Variants in PROM1 observed in about 807,000 individuals in gnomAD.
The protein encoded by PROM1 is prominin 1.
Under a neutral mutation model 116.9 loss-of-function variants are expected in PROM1, and 105 were observed. The observed-to-expected ratio is 0.90, with a 90% CI of 0.77 to 1.06. The LOEUF (loss-of-function observed/expected upper bound fraction) is 1.06. PROM1 is among the 50% of genes least tolerant of loss of function. The probability of loss-of-function intolerance (pLI) is 0.00; values close to 1 mark genes in which losing one functional copy is unlikely to be tolerated. For synonymous variants in PROM1, 393 were observed against 387.0 expected, an observed-to-expected ratio of 1.02 and a Z score of -0.18; for missense variants, 1,122 against 1,045.2, an observed-to-expected ratio of 1.07 and a Z score of -1.01.
rs776521084 is a variant in PROM1 at position 16,000,502 on chromosome 4, T to A, written c.1572A>T (p.Leu524Phe). ...LICEPYTSKELFRVLDTPYLL... is the reference protein window; with the variant it reads ...LICEPYTSKEFFRVLDTPYLL... ...GGTAGAAAATCATATTTACCCGGAA[T>A]AATTCCTTGCTCGTGTAAGGTTCAC... The change falls in exon 14 of 28, where the codon TTA becomes TTT. Residue 524 changes from leucine (L) to phenylalanine (F), a missense_variant. Physicochemically the swap from Leu to Phe is conservative, Grantham distance 22 (BLOSUM62 0). Coordinates refer to ENST00000447510, the MANE Select transcript of PROM1 (RefSeq NM_006017.3). 1.9e-6 allele frequency: 3 copies of A among 1,589,914 alleles called. No individual in the cohort carries two copies. In the Admixed American group the frequency reaches 5.0e-5, roughly 27 times the overall value.
chr4:16,008,350 T>A (rs1431238238), intron 12 of PROM1, among the ~76,000 whole-genome samples: 2 of 152,176 alleles, frequency 1.3e-5, no homozygotes, highest in African/African-American at 4.8e-5. Context: ...ACCACTCGCA[T>A]TTTCTAATGG....
In PROM1 at chr4:16,039,203, T is replaced by G. The variant is rs372205879; in HGVS notation, c.221-202A>C. On this transcript the variant is annotated intron_variant, in intron 2 of 27. Coordinates refer to ENST00000447510, the MANE Select transcript of PROM1 (RefSeq NM_006017.3). ...AAGAATAGAAGACAAATACTTCTGA[T>G]TTACTATTTTGTCAGTGACAGAATT... Among the ~76,000 whole-genome samples the G allele has an allele frequency of 3.3e-5, 5 of 152,310 alleles. No individual in the cohort carries two copies. In the East Asian group the frequency reaches 5.8e-4, roughly 18 times the overall value.
At chr4:16,013,773 T>G (rs1300634297) in intron 10 of PROM1, among the ~76,000 whole-genome samples, 1 of 152,000 alleles carries the variant, frequency 6.6e-6, no homozygotes, top group Non-Finnish European at 1.5e-5. Context: ...TGCTAATAAA[T>G]ACCCAACCAT....
intron 8 of PROM1, among the ~76,000 whole-genome samples, chr4:16,022,348 G>T (rs1432141453): frequency 6.6e-6 from 1 of 152,190 alleles, no homozygotes; most frequent in Non-Finnish European, 1.5e-5. Flanking sequence ...AGAGGATGTT[G>T]TTCGTGATGT....
Position 16,004,799 on chromosome 4 carries a change from C to T in PROM1, c.1454+1739G>A, listed in dbSNP as rs529019869. ...TTTCTTCTCTGTCCACAGGTACTTG[C>T]AGCTAATCTTTCTTTCTTTCTTTCT... is the stretch of plus-strand genomic sequence containing the variant. On this transcript the variant is annotated intron_variant, in intron 13 of 27. Coordinates refer to ENST00000447510, the MANE Select transcript of PROM1 (RefSeq NM_006017.3). 4.0e-5 allele frequency among the ~76,000 whole-genome samples: 6 copies of T among 148,520 alleles called. No homozygotes were observed. The South Asian group carries it at 1.3e-3, about 32-fold the overall frequency.
chr4:15,992,378 A>G lies in PROM1; in HGVS notation c.1781T>C (p.Ile594Thr). The stretch of plus-strand genomic sequence containing the variant: ...CTTCAGACTTTCCAATTCACTGCTT[A>G]TGCTTCCAGTATGCTGCGAAAAAAG... Reference protein sequence around the residue: ...HLNINEHTGSISSELESLKVN... With the variant: ...HLNINEHTGSTSSELESLKVN... The change falls in exon 17 of 28, where the codon ATA (isoleucine) becomes ACA (threonine). Residue 594 changes from isoleucine (I) to threonine (T), a missense_variant. By Grantham distance (89) the Ile-to-Thr change is moderately conservative. Coordinates refer to ENST00000447510, the MANE Select transcript of PROM1 (RefSeq NM_006017.3). The G allele has an allele frequency of 6.2e-7, 1 of 1,613,682 alleles. No homozygotes were observed. The highest frequency in any genetic ancestry group is 1.1e-5 in the South Asian group (1 of 91,010).
intron 2 of PROM1, among the ~76,000 whole-genome samples, chr4:16,055,689 G>A (rs1306675053): frequency 2.0e-5 from 3 of 152,236 alleles, no homozygotes; most frequent in South Asian, 4.1e-4. Flanking sequence ...ATGTGAAAAC[G>A]GTCAACCTTG....
chr4:15,975,563 G>C (rs1180531654), intron 26 of PROM1, among the ~76,000 whole-genome samples: 4 of 152,132 alleles, frequency 2.6e-5, no homozygotes, highest in Non-Finnish European at 5.9e-5. Context: ...AGAAAACTGA[G>C]TCTCAAGGAC....
At chr4:16,007,203 T>C (rs1347518492) in intron 12 of PROM1, among the ~76,000 whole-genome samples, 1 of 152,258 alleles carries the variant, frequency 6.6e-6, no homozygotes, top group East Asian at 1.9e-4. Context: ...GGGGCCACTG[T>C]GTTCTTTACT....
At chr4:15,988,626 G>A (rs1473284513) in intron 19 of PROM1, among the ~76,000 whole-genome samples, 2 of 152,198 alleles carry the variant, frequency 1.3e-5, no homozygotes, top group Admixed American at 6.5e-5. Context: ...TCTCAGGTAG[G>A]AAGCACTCTG....
chr4:16,036,589 C>T (rs927679796), intron 3 of PROM1, among the ~76,000 whole-genome samples: 5 of 152,192 alleles, frequency 3.3e-5, no homozygotes, highest in Non-Finnish European at 5.9e-5. Context: ...AGAAGCACCT[C>T]ACAGTGTGTG....
intron 1 of PROM1, among the ~76,000 whole-genome samples, chr4:16,079,724 C>A (rs1744646496): frequency 1.3e-5 from 2 of 152,078 alleles, no homozygotes; most frequent in African/African-American, 4.8e-5. Context: ...ATCCTTCAAA[C>A]AAAGTTTGAG....
At chr4:15,989,498 A>G (rs1720403645) in intron 19 of PROM1, among the ~76,000 whole-genome samples, 1 of 152,284 alleles carries the variant, frequency 6.6e-6, no homozygotes, top group Non-Finnish European at 1.5e-5. Context: ...AAGGTGGAAG[A>G]GACAGCCACA....
At chr4:16,053,332 C>T (rs1738292055) in intron 2 of PROM1, among the ~76,000 whole-genome samples, 1 of 152,168 alleles carries the variant, frequency 6.6e-6, no homozygotes, top group African/African-American at 2.4e-5. Context: ...TTCCCTTTTC[C>T]AAACTCCACT....
chr4:15,980,828 C>G (rs1460088709), intron 23 of PROM1, among the ~76,000 whole-genome samples: 1 of 152,034 alleles, frequency 6.6e-6, no homozygotes, highest in Non-Finnish European at 1.5e-5. Flanking sequence ...GGATGCGAAT[C>G]TAGGCCACTC....
chr4:15,976,464 C>T (rs1432888654), intron 26 of PROM1, among the ~76,000 whole-genome samples: 1 of 152,232 alleles, frequency 6.6e-6, no homozygotes, highest in Non-Finnish European at 1.5e-5. Context: ...CTAATAGGTG[C>T]TCGGTTATTC....
chr4:16,022,352 G>A (rs1406555895), intron 8 of PROM1, among the ~76,000 whole-genome samples: 3 of 152,176 alleles, frequency 2.0e-5, no homozygotes, highest in African/African-American at 7.2e-5. Context: ...GATGTTGTTC[G>A]TGATGTTATT....
At chr4:16,002,767 C>A (rs1724198933) in intron 13 of PROM1, among the ~76,000 whole-genome samples, 1 of 152,232 alleles carries the variant, frequency 6.6e-6, no homozygotes, top group Non-Finnish European at 1.5e-5. Context: ...CTAAAAAGGG[C>A]ACCATGACTC....
intron 5 of PROM1, among the ~76,000 whole-genome samples, chr4:16,028,547 TAAACCTTCTATTC>T (rs1731908200): frequency 6.6e-6 from 1 of 152,236 alleles, no homozygotes; most frequent in Non-Finnish European, 1.5e-5. Context: ...ATCTCAAATT[TAAACCTTCTATTC>T]AAACACAAAT....
Sources: allele counts gnomAD v4.1 joint callset (sites outside exome capture counted in the v4.1 genomes callset), GRCh38; gene constraint gnomAD v4.1.1; transcripts MANE v1.5; gene names NCBI Gene and HGNC (gene_info 2026-07-23, HGNC 2026-07-21).